The following NR6A1 variants were observed in gnomAD, a reference collection of about 807,000 sequenced individuals.
NR6A1 encodes the protein retinoic acid receptor-related testis-associated receptor.
NR6A1 carries 7 observed loss-of-function variants against 59.1 expected under a neutral mutation model. That is an observed-to-expected ratio of 0.12 (90% CI 0.07 to 0.22). The LOEUF is 0.22. NR6A1 is among the 10% of genes least tolerant of loss of function. The pLI, the probability that NR6A1 is intolerant of heterozygous loss-of-function variation, is 1.00. For synonymous variants in NR6A1, 243 were observed against 236.1 expected (o/e 1.03, Z -0.27); for missense variants, 468 against 611.6 (o/e 0.77, Z 2.48).
rs368779611 is a variant in NR6A1, at chr9:124,756,371, A to G, written c.100+14649T>C. On this transcript the variant is annotated intron_variant, in intron 1 of 9. Transcript: ENST00000487099. ...GGCAAATTACAAGTTTCTGATCACC[A>G]GTGGTGAGCACAAAGCAGCAAAGCA... is the stretch of plus-strand genomic sequence containing the variant. 1.2e-4 allele frequency among the ~76,000 whole-genome samples: 18 copies of G among 152,356 alleles called. No individual in the cohort carries two copies. The East Asian group carries it at 2.3e-3, about 20-fold the overall frequency.
intron 2 of NR6A1, chr9:124,598,958 A>ACGT (rs1835364181): frequency 1.4e-6 from 1 of 713,802 alleles, no homozygotes; most frequent in Middle Eastern, 3.0e-4. Context: ...GTCATTACCC[A>ACGT]CGTTGGGTTT....
At chr9:124,721,311 A>G (rs1441598561) in intron 2 of NR6A1, among the ~76,000 whole-genome samples, 1 of 152,190 alleles carries the variant, frequency 6.6e-6, no homozygotes, top group African/African-American at 2.4e-5. Context: ...GGCAGAGGTC[A>G]AGGGGATGAG....
At chr9:124,568,494 A>C (rs1390052543) in intron 2 of NR6A1, among the ~76,000 whole-genome samples, 1 of 151,868 alleles carries the variant, frequency 6.6e-6, no homozygotes, top group Admixed American at 6.5e-5. Flanking sequence ...AAAAAAAAAA[A>C]CAAAAGAAAC....
rs912383028 is a variant in NR6A1, at chr9:124,688,347, G to A, written c.142+44961C>T. Among the ~76,000 whole-genome samples the A allele has an allele frequency of 4.0e-5, 6 of 151,810 alleles. No homozygotes were observed. The East Asian group carries it at 1.2e-3, about 29-fold the overall frequency. On this transcript the variant is annotated intron_variant, in intron 2 of 9. Transcript: ENST00000487099. ...GTCTTTAAAAAAGAAAAAAAAAAAA[G>A]TTATGTGAATGTGGTCTCTCTCTCA...
intron 2 of NR6A1, among the ~76,000 whole-genome samples, chr9:124,610,490 G>T (rs934982309): frequency 2.6e-5 from 4 of 152,212 alleles, no homozygotes; most frequent in African/African-American, 9.6e-5. Context: ...TGTACTTCTA[G>T]ATTCAGTTTG....
chr9:124,666,946 C>A (rs1270797948), intron 2 of NR6A1, among the ~76,000 whole-genome samples: 2 of 152,078 alleles, frequency 1.3e-5, no homozygotes, highest in East Asian at 3.9e-4. Flanking sequence ...TATATGTTTG[C>A]CTGTGTCTAG....
chr9:124,689,363 T>C (rs1461618297), intron 2 of NR6A1, among the ~76,000 whole-genome samples: 2 of 152,176 alleles, frequency 1.3e-5, no homozygotes, highest in African/African-American at 2.4e-5. Context: ...TAAATACTGC[T>C]TCTCCAAACA....
chr9:124,635,608 C>G (rs72761495), intron 2 of NR6A1, among the ~76,000 whole-genome samples: 2,137 of 152,302 alleles, frequency 0.014, 30 homozygotes, highest in Non-Finnish European at 0.018. Context: ...AGGGTGAGAA[C>G]AGACTCATAT....
rs796981815 is a variant in NR6A1, at chr9:124,620,809, T to TA, written c.143-66240dup. On this transcript the variant is annotated intron_variant, in intron 2 of 9. Coordinates refer to ENST00000487099, the MANE Select transcript of NR6A1 (RefSeq NM_033334.4). Reference sequence around the variant, plus strand: ...GATATGTGAAACATGTCTCATTGTTTAAAAAAAAAAAAAAGGTTTAAAAAG... The same window carrying TA: ...GATATGTGAAACATGTCTCATTGTTTAAAAAAAAAAAAAAAGGTTTAAAAAG... 4.2e-3 allele frequency among the ~76,000 whole-genome samples: 588 copies of TA among 140,528 alleles called. 4 individuals carry two copies. The highest frequency in any genetic ancestry group is 0.011 in the African/African-American group (414 of 38,540). 92.2% of individuals were successfully genotyped at this position (140,528 alleles called of 152,430 possible).
At position 124,673,207 on chromosome 9, in the gene NR6A1, A is replaced by G. The variant is rs529263933; in HGVS notation, c.142+60101T>C. On this transcript the variant is annotated intron_variant, in intron 2 of 9. Transcript: ENST00000487099. Reference sequence around the variant, plus strand: ...CATGGTGGCATGTGCCTGTAGTCCCATCTACTTGGGAGGCTGATGTGGGAG... The same window carrying G: ...CATGGTGGCATGTGCCTGTAGTCCCGTCTACTTGGGAGGCTGATGTGGGAG... Among the ~76,000 whole-genome samples the G allele has an allele frequency of 1.3e-3, 198 of 152,276 alleles. 7 individuals carry two copies. In the South Asian group the frequency reaches 0.039, roughly 30 times the overall value.
intron 2 of NR6A1, among the ~76,000 whole-genome samples, chr9:124,563,794 C>T (rs562817897): frequency 6.6e-6 from 1 of 152,194 alleles, no homozygotes; most frequent in Non-Finnish European, 1.5e-5. Flanking sequence ...TGATATGATA[C>T]TCTCTTGCAA....
intron 2 of NR6A1, among the ~76,000 whole-genome samples, chr9:124,702,220 T>C (rs1442908325): frequency 6.6e-6 from 1 of 152,238 alleles, no homozygotes; most frequent in Non-Finnish European, 1.5e-5. Context: ...ATATGCTTGA[T>C]ACATTTGGTA....
At chr9:124,616,775 A>G (rs1213458827) in intron 2 of NR6A1, among the ~76,000 whole-genome samples, 1 of 152,228 alleles carries the variant, frequency 6.6e-6, no homozygotes, top group Non-Finnish European at 1.5e-5. Flanking sequence ...TAAAAACTCA[A>G]AAGTAAAGCA....
chr9:124,537,864 A>G (rs1833317335), intron 6 of NR6A1, among the ~76,000 whole-genome samples: 1 of 152,132 alleles, frequency 6.6e-6, no homozygotes, highest in Non-Finnish European at 1.5e-5. Flanking sequence ...TTCTATCTCA[A>G]TTCCATAGGA....
chr9:124,644,499 G>T (rs535166041), intron 2 of NR6A1, among the ~76,000 whole-genome samples: 1 of 151,732 alleles, frequency 6.6e-6, no homozygotes, highest in Non-Finnish European at 1.5e-5. Context: ...TGATCCGCCC[G>T]CCTCAGCTTC....
intron 2 of NR6A1, among the ~76,000 whole-genome samples, chr9:124,690,294 C>T (rs750240751): frequency 3.3e-5 from 5 of 152,146 alleles, no homozygotes; most frequent in African/African-American, 4.8e-5. Flanking sequence ...ATGCTTATTT[C>T]TTCCAAGTAT....
At chr9:124,649,392 G>A (rs751496407) in intron 2 of NR6A1, among the ~76,000 whole-genome samples, 5 of 152,056 alleles carry the variant, frequency 3.3e-5, no homozygotes, top group Non-Finnish European at 5.9e-5. Context: ...CTGGGAAAGC[G>A]AGATGTCCAT....
chr9:124,540,236 T>C, intron 4 of NR6A1, 49 bp from the exon 5 acceptor site: 1 of 1,572,640 alleles, frequency 6.4e-7, no homozygotes, highest in Non-Finnish European at 8.6e-7. Context: ...GGACACTTGC[T>C]CTTTCTTCAG....
intron 2 of NR6A1, among the ~76,000 whole-genome samples, chr9:124,589,422 G>T (rs958774232): frequency 6.6e-6 from 1 of 152,134 alleles, no homozygotes; most frequent in African/African-American, 2.4e-5. Context: ...CTCCGGCCTG[G>T]GCGAAAGAGC....
Sources: gnomAD v4.1 joint callset for allele counts (sites outside exome capture counted in the v4.1 genomes callset) on GRCh38, gnomAD v4.1.1 for gene constraint, MANE v1.5 for transcripts, NCBI Gene and HGNC (gene_info 2026-07-23, HGNC 2026-07-21) for gene names.